The following MMP16 variants were observed in gnomAD, a reference collection of about 807,000 sequenced individuals.
MMP16 encodes matrix metalloproteinase-16.
In MMP16, 12 loss-of-function variants were observed where a neutral mutation model predicts 67.8. The observed-to-expected ratio is 0.18, with a 90% confidence interval of 0.11 to 0.29. The LOEUF is 0.29. MMP16 is among the 10% of genes least tolerant of loss of function. The pLI is 1.00. For missense variants in MMP16, 475 were observed against 765.7 expected (o/e 0.62, Z 4.48); for synonymous variants, 249 against 255.9 (o/e 0.97, Z 0.26).
chr8:88,125,482 T>TA (rs1427957064), intron 4 of MMP16, among the ~76,000 whole-genome samples: 2 of 151,960 alleles, frequency 1.3e-5, no homozygotes, highest in African/African-American at 4.8e-5. Flanking sequence ...CAAACATTTA[T>TA]AGTATTTAAT....
intron 6 of MMP16, among the ~76,000 whole-genome samples, chr8:88,110,309 A>G (rs2118408768): frequency 6.6e-6 from 1 of 151,702 alleles, no homozygotes; most frequent in African/African-American, 2.4e-5. Flanking sequence ...TTCAAGGAGA[A>G]ATTTTAAAGC....
rs575063640 is a variant in MMP16 at position 88,273,248 on chromosome 8, C to CTTT, written c.132+53824_132+53826dup. 4.5e-3 allele frequency among the ~76,000 whole-genome samples: 593 copies of CTTT among 132,228 alleles called. 11 individuals are homozygous for CTTT. Among genetic ancestry groups the CTTT allele is most frequent in the African/African-American group, 7.1e-3 (257 of 36,168 alleles). 86.7% of individuals were successfully genotyped at this position (132,228 alleles called of 152,430 possible). ...TACAGGCACGTGCCACCATGCCTGG[C>CTTT]TTTTTTTTTTTTTTTGTATTTTTAG... On this transcript the variant is annotated intron_variant, in intron 1 of 9. Transcript: ENST00000286614.
chr8:88,219,787 A>G (rs1326077949), intron 1 of MMP16, among the ~76,000 whole-genome samples: 2 of 152,206 alleles, frequency 1.3e-5, no homozygotes, highest in Non-Finnish European at 2.9e-5. Context: ...CAAACTGTAC[A>G]CTAGCATCCT....
chr8:88,154,049 G>T (rs1227169480), intron 4 of MMP16, among the ~76,000 whole-genome samples: 3 of 146,034 alleles, frequency 2.1e-5, no homozygotes, highest in African/African-American at 7.6e-5. Context: ...ATCAAAAAGT[G>T]GGCAAAGGAC....
intron 1 of MMP16, among the ~76,000 whole-genome samples, chr8:88,201,043 G>C (rs544220829): frequency 6.8e-6 from 1 of 148,100 alleles, no homozygotes; most frequent in East Asian, 2.0e-4. Context: ...AAACACAAAT[G>C]CAAGAACAAT....
At chr8:88,257,610 A>G (rs925349857) in intron 1 of MMP16, among the ~76,000 whole-genome samples, 19 of 152,216 alleles carry the variant, frequency 1.2e-4, no homozygotes, top group Non-Finnish European at 5.9e-5. Flanking sequence ...GTTTAATATT[A>G]TTTATAATTT....
intron 6 of MMP16, among the ~76,000 whole-genome samples, chr8:88,110,704 T>C (rs1809320426): frequency 6.6e-6 from 1 of 151,692 alleles, no homozygotes; most frequent in Non-Finnish European, 1.5e-5. Context: ...ACTAAAGTGA[T>C]ATGATATGAA....
intron 8 of MMP16, among the ~76,000 whole-genome samples, chr8:88,055,768 AT>A (rs1808324636): frequency 6.6e-6 from 1 of 152,216 alleles, no homozygotes; most frequent in Non-Finnish European, 1.5e-5. Context: ...AAACACAAAA[AT>A]CCTGTGCTTG....
chr8:88,268,291 G>A (rs563082438), intron 1 of MMP16, among the ~76,000 whole-genome samples: 421 of 152,270 alleles, frequency 2.8e-3, no homozygotes, highest in Non-Finnish European at 4.4e-3. Context: ...GCAGTGAGCC[G>A]AGACTGTACC....
intron 1 of MMP16, among the ~76,000 whole-genome samples, chr8:88,290,032 A>G (rs1810898565): frequency 1.3e-5 from 2 of 152,158 alleles, no homozygotes; most frequent in South Asian, 4.1e-4. Context: ...TGGGTGACAC[A>G]AATTTTTTGT....
intron 4 of MMP16, among the ~76,000 whole-genome samples, chr8:88,154,743 G>A (rs1808478083): frequency 6.7e-6 from 1 of 148,738 alleles, no homozygotes; most frequent in Non-Finnish European, 1.5e-5. Flanking sequence ...GGGAGGGATA[G>A]CATTGGGAGA....
chr8:88,197,533 TAA>T (rs1329059763), intron 1 of MMP16, among the ~76,000 whole-genome samples: 3 of 152,060 alleles, frequency 2.0e-5, no homozygotes, highest in South Asian at 4.2e-4. Flanking sequence ...TAATGTTAAT[TAA>T]AAAAAGAGTA....
At chr8:88,223,920 T>C (rs760074191) in intron 1 of MMP16, among the ~76,000 whole-genome samples, 10 of 151,772 alleles carry the variant, frequency 6.6e-5, no homozygotes, top group Non-Finnish European at 1.0e-4. Context: ...GCTAAAATAG[T>C]GAGAATAGCT....
intron 1 of MMP16, among the ~76,000 whole-genome samples, chr8:88,303,495 G>T (rs755028824): frequency 3.3e-5 from 5 of 152,208 alleles, no homozygotes; most frequent in Non-Finnish European, 7.3e-5. Flanking sequence ...CCCTGATCCT[G>T]TTCCTCCTGA....
chr8:88,203,579 CAA>C, intron 1 of MMP16, among the ~76,000 whole-genome samples: 1 of 152,268 alleles, frequency 6.6e-6, no homozygotes, highest in East Asian at 1.9e-4. Context: ...TTCCACAGTG[CAA>C]AGAGTTTCAC....
At chr8:88,318,114 T>C (rs773596181) in intron 1 of MMP16, among the ~76,000 whole-genome samples, 3 of 152,186 alleles carry the variant, frequency 2.0e-5, no homozygotes, top group Admixed American at 6.5e-5. Context: ...CTGCAGGGCA[T>C]TGGAACACCT....
chr8:88,115,086 G>A (rs1454235095), intron 6 of MMP16, among the ~76,000 whole-genome samples: 5 of 151,988 alleles, frequency 3.3e-5, no homozygotes, highest in Admixed American at 6.6e-5. Context: ...AAAAAATAAT[G>A]TACCCAGAGT....
At chr8:88,053,857 C>A (rs1348182291) in intron 8 of MMP16, among the ~76,000 whole-genome samples, 3 of 151,946 alleles carry the variant, frequency 2.0e-5, no homozygotes, top group Non-Finnish European at 2.9e-5. Flanking sequence ...TTTTTTTAAA[C>A]CTATAAAACC....
At chr8:88,092,591 T>C (rs1808956470) in intron 6 of MMP16, among the ~76,000 whole-genome samples, 1 of 151,868 alleles carries the variant, frequency 6.6e-6, no homozygotes, top group Non-Finnish European at 1.5e-5. Context: ...TCCCTGATAC[T>C]AAAAGTCTGC....
Sources: allele counts gnomAD v4.1 joint callset (sites outside exome capture counted in the v4.1 genomes callset), GRCh38; gene constraint gnomAD v4.1.1; transcripts MANE v1.5; gene names NCBI Gene and HGNC (gene_info 2026-07-23, HGNC 2026-07-21).